DLGAP1: variants seen among roughly 807,000 people sequenced by gnomAD.
The protein encoded by DLGAP1 is disks large-associated protein 1.
Under a neutral mutation model 90.8 loss-of-function variants are expected in DLGAP1, and 11 were observed. The ratio of observed to expected loss-of-function variants is 0.12; its 90% CI spans 0.08 to 0.20. DLGAP1 has a LOEUF of 0.20. Ranked by LOEUF, DLGAP1 falls within the 10% of genes least tolerant of loss-of-function variation. DLGAP1 has a pLI of 1.00. For synonymous variants in DLGAP1, 558 were observed against 540.7 expected (o/e 1.03, Z -0.44); for missense variants, 1,050 against 1,333.8 (o/e 0.79, Z 3.31).
chr18:3,885,569 TAGAG>T (rs995514698), intron 3 of DLGAP1: 37 of 152,338 alleles, frequency 2.4e-4, no homozygotes, highest in African/African-American at 8.2e-4. Context: ...TTGCTGGAAA[TAGAG>T]AGGGAAATTG....
At position 3,600,349 on chromosome 18, in the gene DLGAP1, C is replaced by T. The variant is rs569332913; in HGVS notation, c.1592-18101G>A. On this transcript the variant is annotated intron_variant, in intron 7 of 12. Coordinates refer to ENST00000315677, the MANE Select transcript of DLGAP1 (RefSeq NM_004746.4). ...CGGCTCACTGCAACCTCCACCTCCC[C>T]GGTTCAAGCAATTCTCCTGCCTCAG... 1.7e-4 allele frequency among the ~76,000 whole-genome samples: 26 copies of T among 151,964 alleles called. 1 individual carries two copies. The South Asian group carries it at 2.3e-3, about 13-fold the overall frequency.
At chr18:3,971,044 C>T (rs922184311) in intron 3 of DLGAP1, among the ~76,000 whole-genome samples, 1 of 152,122 alleles carries the variant, frequency 6.6e-6, no homozygotes, top group African/African-American at 2.4e-5. Context: ...CACATCTGTC[C>T]CCCTCTAGCA....
chr18:3,770,063 G>A (rs1320925841), intron 5 of DLGAP1: 1 of 152,154 alleles, frequency 6.6e-6, no homozygotes, highest in Non-Finnish European at 1.5e-5. Context: ...AACTGAGTTT[G>A]TACCTAAGAA....
At chr18:3,667,254 C>G (rs556646214) in intron 7 of DLGAP1, among the ~76,000 whole-genome samples, 69 of 152,006 alleles carry the variant, frequency 4.5e-4, no homozygotes, top group African/African-American at 1.6e-3. Context: ...TATTTTTGTA[C>G]TTTTAGTAGA....
intron 1 of DLGAP1, among the ~76,000 whole-genome samples, chr18:4,415,679 A>C (rs2144643659): frequency 6.6e-6 from 1 of 152,242 alleles, no homozygotes; most frequent in Non-Finnish European, 1.5e-5. Flanking sequence ...TAGATTCAAA[A>C]ATTGGCTCTG....
chr18:3,519,328 C>G (rs1201475946), intron 10 of DLGAP1, among the ~76,000 whole-genome samples: 2 of 152,174 alleles, frequency 1.3e-5, no homozygotes, highest in African/African-American at 4.8e-5. Flanking sequence ...TGTGCTTAGC[C>G]ATGTGACTTG....
At chr18:4,259,566 TG>T (rs1354759152) in intron 1 of DLGAP1, among the ~76,000 whole-genome samples, 1 of 152,186 alleles carries the variant, frequency 6.6e-6, no homozygotes, top group Non-Finnish European at 1.5e-5. Flanking sequence ...TTTCTGGGTC[TG>T]CATCACTCTG....
At chr18:4,275,021 G>A (rs867559610) in intron 1 of DLGAP1, among the ~76,000 whole-genome samples, 13 of 152,254 alleles carry the variant, frequency 8.5e-5, no homozygotes, top group African/African-American at 2.9e-4. Context: ...TCTAATTTGG[G>A]AAATTGGTGA....
chr18:4,046,383 T>C (rs935288958), intron 2 of DLGAP1, among the ~76,000 whole-genome samples: 3 of 152,262 alleles, frequency 2.0e-5, no homozygotes, highest in Admixed American at 6.5e-5. Flanking sequence ...ACTGATTTAA[T>C]AGGCCTTCTG....
rs934841123 is a variant in DLGAP1 at position 3,745,993 on chromosome 18, C to G, written c.1173-3481G>C. Among the ~76,000 whole-genome samples, 7 of 152,122 alleles carry G rather than the reference C, an allele frequency of 4.6e-5. No individual in the cohort carries two copies. The South Asian group carries it at 1.5e-3, about 32-fold the overall frequency. ...AGTGTGCCACCATGCCCGGCCTCAG[C>G]TATACTTTATAGCTGCAATGATGAA... On this transcript the variant is annotated intron_variant, in intron 5 of 12. Transcript: ENST00000315677.
At chr18:4,354,044 T>C (rs778199217) in intron 1 of DLGAP1, among the ~76,000 whole-genome samples, 6 of 152,192 alleles carry the variant, frequency 3.9e-5, no homozygotes, top group Non-Finnish European at 5.9e-5. Context: ...GTTACCGCCA[T>C]CGACAGGTAA....
At chr18:4,297,454 A>G (rs2080011186) in intron 1 of DLGAP1, among the ~76,000 whole-genome samples, 1 of 152,226 alleles carries the variant, frequency 6.6e-6, no homozygotes, top group Non-Finnish European at 1.5e-5. Context: ...AAAGATACTT[A>G]ATTAGAAATA....
chr18:3,668,105 T>C (rs2059945237), intron 7 of DLGAP1, among the ~76,000 whole-genome samples: 1 of 152,052 alleles, frequency 6.6e-6, no homozygotes, highest in Admixed American at 6.6e-5. Context: ...TAAAAGTAAT[T>C]TATTTTTCCT....
intron 2 of DLGAP1, among the ~76,000 whole-genome samples, chr18:4,012,354 C>A (rs1352201463): frequency 2.6e-5 from 4 of 152,110 alleles, no homozygotes; most frequent in African/African-American, 9.7e-5. Flanking sequence ...GACACCTTTG[C>A]CCACCTGCCA....
rs2059485397 is a variant in DLGAP1, at chr18:3,656,406, G to A, written c.1591+72729C>T. On this transcript the variant is annotated intron_variant, in intron 7 of 12. Coordinates refer to ENST00000315677, the MANE Select transcript of DLGAP1 (RefSeq NM_004746.4). ...CAAGTCTGCCTGAGTGACTATTTCTGTGTATAAATTATACCAGATTATGGA... is the reference window on the plus strand; with the variant it reads ...CAAGTCTGCCTGAGTGACTATTTCTATGTATAAATTATACCAGATTATGGA... 1.4e-5 allele frequency: 5 copies of A among 370,308 alleles called. No individual in the cohort carries two copies. The South Asian group carries it at 1.7e-4, about 12-fold the overall frequency. 22.9% of individuals were successfully genotyped at this position (370,308 alleles called of 1,614,324 possible). A position where few individuals can be genotyped will look rare whatever the true frequency, so the allele number is the denominator to read the frequency against.
chr18:3,796,646 A>G (rs1354652099), intron 5 of DLGAP1, among the ~76,000 whole-genome samples: 2 of 152,218 alleles, frequency 1.3e-5, no homozygotes, highest in Admixed American at 6.5e-5. Context: ...TAGACCTGTC[A>G]GTAACAGCCG....
intron 8 of DLGAP1, among the ~76,000 whole-genome samples, chr18:3,575,549 AC>A (rs961825695): frequency 2.0e-5 from 3 of 152,172 alleles, no homozygotes; most frequent in Non-Finnish European, 4.4e-5. Context: ...GCCAGGGGTC[AC>A]CTTTGGGGAG....
intron 8 of DLGAP1, among the ~76,000 whole-genome samples, chr18:3,577,666 A>G (rs1436972974): frequency 6.6e-6 from 1 of 152,238 alleles, no homozygotes; most frequent in Non-Finnish European, 1.5e-5. Context: ...GCCTGGTCCA[A>G]GCCTCATCCC....
At position 4,378,246 on chromosome 18, in the gene DLGAP1, G is replaced by A. The variant is rs2082052998; in HGVS notation, c.-267+76760C>T. On this transcript the variant is annotated intron_variant, in intron 1 of 12. Coordinates refer to ENST00000315677, the MANE Select transcript of DLGAP1 (RefSeq NM_004746.4). This position sits in a 1 kb window ranked among gnomAD's most constrained non-coding sequence, Gnocchi z 4.5. ...AATGGGGAAGCCAGGAAAGAGGTAA[G>A]AATAAAAGTCTTCGCATTTTACATT... Among the ~76,000 whole-genome samples, 1 of 151,590 alleles carries A rather than the reference G, an allele frequency of 6.6e-6. No homozygotes were observed. The highest frequency in any genetic ancestry group is 2.4e-5 in the African/African-American group (1 of 41,328).
Sources: gnomAD v4.1 joint callset for allele counts (sites outside exome capture counted in the v4.1 genomes callset) on GRCh38, gnomAD v4.1.1 for gene constraint, Gnocchi (gnomAD v3.1) non-coding constraint, MANE v1.5 for transcripts, NCBI Gene and HGNC (gene_info 2026-07-23, HGNC 2026-07-21) for gene names.